Variants in CACNA1C observed in about 807,000 individuals in gnomAD.
The protein encoded by CACNA1C is calcium voltage-gated channel subunit alpha1 C, also known as voltage-dependent L-type calcium channel subunit alpha-1C.
CACNA1C carries 30 observed loss-of-function variants against 229.0 expected under a neutral mutation model. The observed-to-expected ratio is 0.13, with a 90% CI of 0.10 to 0.18. The LOEUF is 0.18. Among genes scored for constraint, CACNA1C ranks in the 10% least tolerant of loss-of-function variants. The pLI is 1.00. For missense variants in CACNA1C, 1,658 were observed against 2,845.0 expected, an observed-to-expected ratio of 0.58 and a Z score of 9.49; for synonymous variants, 1,114 against 1,132.5, an observed-to-expected ratio of 0.98 and a Z score of 0.33.
intron 3 of CACNA1C, among the ~76,000 whole-genome samples, chr12:2,213,077 C>T (rs984888762): frequency 2.0e-5 from 3 of 152,180 alleles, no homozygotes; most frequent in African/African-American, 7.2e-5. Context: ...TCCTGACTCC[C>T]ACAGATGCCT....
intron 9 of CACNA1C, among the ~76,000 whole-genome samples, chr12:2,537,069 G>A (rs960047173): frequency 6.6e-6 from 1 of 152,170 alleles, no homozygotes; most frequent in Non-Finnish European, 1.5e-5. Context: ...AGAGGAGCCG[G>A]CAGGGAGGCC....
intron 8 of CACNA1C, among the ~76,000 whole-genome samples, chr12:2,509,961 G>A (rs898412052): frequency 6.6e-6 from 1 of 152,218 alleles, no homozygotes; most frequent in African/African-American, 2.4e-5. Flanking sequence ...CAAATAAGGA[G>A]CCTGGGTGGT....
In CACNA1C at chr12:2,354,379, G is replaced by A. The variant is rs1593832642; in HGVS notation, c.478-94597G>A. Among the ~76,000 whole-genome samples, 2 of 152,124 alleles carry A rather than the reference G, an allele frequency of 1.3e-5. No homozygotes were observed. The highest frequency in any genetic ancestry group is 4.8e-5 in the African/African-American group (2 of 41,426). ...TCTGCAGCCACCTGCTTGGAGTGGT[G>A]ATAAGCCAAATCTTTCTTTAGAGGA... On this transcript the variant is annotated intron_variant, in intron 3 of 46. Transcript: ENST00000399655. The surrounding 1 kb of genome is among the most constrained non-coding windows in gnomAD (Gnocchi z 4.6).
chr12:2,369,117 G>A (rs1478634256), intron 3 of CACNA1C, among the ~76,000 whole-genome samples: 2 of 152,188 alleles, frequency 1.3e-5, no homozygotes, highest in African/African-American at 4.8e-5. Flanking sequence ...ATCAGTCAAA[G>A]GCAGAAGAAA....
intron 7 of CACNA1C, among the ~76,000 whole-genome samples, chr12:2,501,230 AAAAAG>A (rs2099759388): frequency 1.3e-5 from 2 of 150,968 alleles, no homozygotes; most frequent in Non-Finnish European, 3.0e-5. Flanking sequence ...AAAAAAAAAA[AAAAAG>A]TAAAGCAATA....
chr12:2,360,017 C>T lies in CACNA1C; in HGVS notation c.478-88959C>T, dbSNP rs1381284457. On this transcript the variant is annotated intron_variant, in intron 3 of 46. Coordinates refer to ENST00000399655, the MANE Select transcript of CACNA1C (RefSeq NM_000719.7). ...CCGATCGCTTGTCCTCAGATAGTAG[C>T]GAGATGGCTGCCTCAGCATCTCCAG... Among the ~76,000 whole-genome samples, 6 of 152,070 alleles carry T rather than the reference C, an allele frequency of 3.9e-5. No individual in the cohort carries two copies. In the East Asian group the frequency reaches 7.7e-4, roughly 20 times the overall value.
intron 3 of CACNA1C, among the ~76,000 whole-genome samples, chr12:2,282,588 C>A (rs899721422): frequency 2.6e-5 from 4 of 152,208 alleles, no homozygotes; most frequent in African/African-American, 9.6e-5. Flanking sequence ...CCTCACAGCT[C>A]ATGGGATCAG....
At chr12:2,676,925 A>C in intron 39 of CACNA1C, 169 bp from the exon 40 acceptor site, 1 of 563,842 alleles carries the variant, frequency 1.8e-6, no homozygotes, top group Non-Finnish European at 3.2e-6. Context: ...TTTTGACCAT[A>C]AGCCTTTTTA....
At chr12:2,157,949 T>C (rs1315992432) in intron 3 of CACNA1C, among the ~76,000 whole-genome samples, 1 of 152,226 alleles carries the variant, frequency 6.6e-6, no homozygotes, top group African/African-American at 2.4e-5. Context: ...AGAAATGTGA[T>C]GACTGAGTGC....
At chr12:2,674,140 C>T (rs1434823654) in intron 38 of CACNA1C, among the ~76,000 whole-genome samples, 1 of 152,226 alleles carries the variant, frequency 6.6e-6, no homozygotes, top group Non-Finnish European at 1.5e-5. Flanking sequence ...TGGGGACCAG[C>T]CCCCCACTGC....
intron 3 of CACNA1C, among the ~76,000 whole-genome samples, chr12:2,445,180 C>T (rs1258698708): frequency 2.0e-5 from 3 of 152,194 alleles, no homozygotes; most frequent in Admixed American, 1.3e-4. Context: ...CAGCACCTAA[C>T]CTTCTTCACC....
intron 3 of CACNA1C, among the ~76,000 whole-genome samples, chr12:2,192,289 C>T (rs1238468203): frequency 6.6e-6 from 1 of 152,216 alleles, no homozygotes. Context: ...GCCCTTTCCA[C>T]CTCTCCCACT....
At chr12:2,407,338 G>C (rs372973724) in intron 3 of CACNA1C, among the ~76,000 whole-genome samples, 1 of 138,150 alleles carries the variant, frequency 7.2e-6, no homozygotes, top group East Asian at 2.1e-4. Context: ...GATAATAGCC[G>C]TCCTGATAAG....
intron 3 of CACNA1C, among the ~76,000 whole-genome samples, chr12:2,130,363 T>C (rs2091905961): frequency 6.7e-6 from 1 of 149,112 alleles, no homozygotes; most frequent in Non-Finnish European, 1.5e-5. Flanking sequence ...GCAGGTTAGT[T>C]ACATATGTAT....
chr12:2,147,788 G>T (rs865877937), intron 3 of CACNA1C, among the ~76,000 whole-genome samples: 3 of 149,998 alleles, frequency 2.0e-5, no homozygotes, highest in African/African-American at 7.3e-5. Flanking sequence ...GGGGGATTTT[G>T]GGGGGGCAAA....
intron 3 of CACNA1C, among the ~76,000 whole-genome samples, chr12:2,145,995 C>T (rs2094665022): frequency 6.6e-6 from 1 of 151,282 alleles, no homozygotes; most frequent in South Asian, 2.1e-4. Context: ...TTGTGAGGGG[C>T]ATTATCTCAT....
chr12:2,281,504 G>T (rs968415719), intron 3 of CACNA1C, among the ~76,000 whole-genome samples: 4 of 152,164 alleles, frequency 2.6e-5, no homozygotes, highest in Admixed American at 2.0e-4. Flanking sequence ...TGTCTGAAGA[G>T]AAGTCTTTAT....
At chr12:2,368,644 C>T (rs1335451708) in intron 3 of CACNA1C, among the ~76,000 whole-genome samples, 3 of 152,112 alleles carry the variant, frequency 2.0e-5, no homozygotes, top group East Asian at 1.9e-4. Flanking sequence ...GAAAGCATGT[C>T]GTATTTCTAT....
At position 2,363,353 on chromosome 12, in the gene CACNA1C, C is replaced by G. The variant is rs116116521; in HGVS notation, c.478-85623C>G. 5.7e-3 allele frequency among the ~76,000 whole-genome samples: 865 copies of G among 152,322 alleles called. 7 individuals carry two copies. Among genetic ancestry groups the G allele is most frequent in the African/African-American group, 0.02 (813 of 41,552 alleles). ...ATGATCATTCTTCCCCTCTCCATAT[C>G]ATTTCTATATTCCTGCTTTTGGAAA... On this transcript the variant is annotated intron_variant, in intron 3 of 46. Transcript: ENST00000399655.
Sources: allele counts gnomAD v4.1 joint callset (sites outside exome capture counted in the v4.1 genomes callset), GRCh38; gene constraint gnomAD v4.1.1; non-coding constraint Gnocchi (gnomAD v3.1); transcripts MANE v1.5; gene names NCBI Gene and HGNC (gene_info 2026-07-23, HGNC 2026-07-21).